RBFOX1: variants seen among roughly 807,000 people sequenced by gnomAD.
RBFOX1 encodes RNA binding fox-1 homolog 1.
In RBFOX1, 8 loss-of-function variants were observed where a neutral mutation model predicts 57.7. The ratio of observed to expected loss-of-function variants is 0.14; its 90% CI spans 0.08 to 0.25. RBFOX1 has a LOEUF of 0.25. Ranked by LOEUF, RBFOX1 falls within the 10% of genes least tolerant of loss-of-function variation. RBFOX1 has a pLI of 1.00. For missense variants in RBFOX1, 611 were observed against 548.5 expected (o/e 1.11, Z -1.14); for synonymous variants, 326 against 222.4 (o/e 1.47, Z -4.15).
intron 4 of RBFOX1, among the ~76,000 whole-genome samples, chr16:7,073,554 A>G (rs1056330305): frequency 6.6e-6 from 1 of 152,156 alleles, no homozygotes; most frequent in African/African-American, 2.4e-5. Context: ...AGTAATGATA[A>G]ATACCATGGC....
intron 4 of RBFOX1, among the ~76,000 whole-genome samples, chr16:5,887,822 C>T (rs149175969): frequency 6.6e-6 from 1 of 152,162 alleles, no homozygotes; most frequent in South Asian, 2.1e-4. Flanking sequence ...AGTCTTAGTT[C>T]TTTGTGCTCT....
At chr16:7,030,399 A>C (rs1350284667) in intron 3 of RBFOX1, among the ~76,000 whole-genome samples, 3 of 152,176 alleles carry the variant, frequency 2.0e-5, no homozygotes, top group African/African-American at 4.8e-5. Flanking sequence ...TATTCATTCA[A>C]GGTTCTGGAG....
intron 3 of RBFOX1, among the ~76,000 whole-genome samples, chr16:6,717,783 C>T (rs9929600): frequency 0.058 from 8,899 of 152,178 alleles, 319 homozygotes; most frequent in African/African-American, 0.087. Flanking sequence ...CAATTCTCAA[C>T]ATGGACCCAG....
intron 1 of RBFOX1, among the ~76,000 whole-genome samples, chr16:5,431,682 T>C (rs1203033100): frequency 1.3e-5 from 2 of 152,162 alleles, no homozygotes. Context: ...CGCTGGTTTA[T>C]TTTTTATTAT....
chr16:6,192,463 T>C (rs1367589797), intron 1 of RBFOX1, among the ~76,000 whole-genome samples: 1 of 152,048 alleles, frequency 6.6e-6, no homozygotes, highest in Non-Finnish European at 1.5e-5. Flanking sequence ...CTTCCTTCCC[T>C]CTCCATTTTC....
intron 2 of RBFOX1, among the ~76,000 whole-genome samples, chr16:5,559,028 G>C (rs2045786608): frequency 6.6e-6 from 1 of 152,090 alleles, no homozygotes; most frequent in African/African-American, 2.4e-5. Context: ...AACCATAGCA[G>C]TTATGCTCAC....
At chr16:5,837,055 C>T (rs1034523198) in intron 3 of RBFOX1, among the ~76,000 whole-genome samples, 1 of 152,164 alleles carries the variant, frequency 6.6e-6, no homozygotes, top group Admixed American at 6.5e-5. Context: ...TATTCCCTGA[C>T]ATGATTTGGA....
intron 13 of RBFOX1, among the ~76,000 whole-genome samples, chr16:7,674,017 G>A (rs954352118): frequency 1.4e-4 from 21 of 152,160 alleles, no homozygotes; most frequent in African/African-American, 4.8e-4. Context: ...AAAATACAGA[G>A]CGATAAAATT....
At chr16:6,849,158 A>C (rs1031273843) in intron 3 of RBFOX1, among the ~76,000 whole-genome samples, 3 of 152,186 alleles carry the variant, frequency 2.0e-5, no homozygotes, top group East Asian at 3.9e-4. Flanking sequence ...AAAGGAACCA[A>C]GTAACTTGCT....
At chr16:5,875,118 A>G (rs1404065679) in intron 4 of RBFOX1, among the ~76,000 whole-genome samples, 1 of 152,240 alleles carries the variant, frequency 6.6e-6, no homozygotes, top group East Asian at 1.9e-4. Flanking sequence ...GAACCTTCCC[A>G]TAGCAACAGC....
chr16:6,323,290 A>T (rs1412120672), intron 2 of RBFOX1, among the ~76,000 whole-genome samples: 3 of 152,206 alleles, frequency 2.0e-5, no homozygotes, highest in African/African-American at 7.2e-5. Context: ...CCCCACTGTC[A>T]GCCTCGTTCT....
At chr16:6,817,822 A>G (rs2090433703) in intron 3 of RBFOX1, among the ~76,000 whole-genome samples, 1 of 152,162 alleles carries the variant, frequency 6.6e-6, no homozygotes, top group Admixed American at 6.5e-5. Context: ...TAACTCAAGA[A>G]TTCATGAAGT....
chr16:6,256,163 A>ATATATGTATATATATG (rs1162352085), intron 1 of RBFOX1, among the ~76,000 whole-genome samples: 2 of 12,160 alleles, frequency 1.6e-4, no homozygotes, highest in African/African-American at 3.2e-4. Flanking sequence ...ATATATGTAT[A>ATATATGTATATATATG]TATATATGTA....
chr16:6,279,985 G>A (rs567056040), intron 1 of RBFOX1, among the ~76,000 whole-genome samples: 7 of 152,012 alleles, frequency 4.6e-5, no homozygotes, highest in Non-Finnish European at 1.0e-4. Flanking sequence ...AAATAGGAGC[G>A]TGGACTGGGG....
intron 1 of RBFOX1, among the ~76,000 whole-genome samples, chr16:5,345,256 C>T (rs930392921): frequency 5.3e-5 from 8 of 152,348 alleles, no homozygotes; most frequent in African/African-American, 1.9e-4. Context: ...GCCCCAGAGG[C>T]CTCTTGTCCA....
At chr16:7,257,216 C>G (rs975362687) in intron 4 of RBFOX1, among the ~76,000 whole-genome samples, 1 of 152,144 alleles carries the variant, frequency 6.6e-6, no homozygotes, top group Non-Finnish European at 1.5e-5. Flanking sequence ...TCTTCCCATC[C>G]CCGGGGTCAT....
intron 4 of RBFOX1, among the ~76,000 whole-genome samples, chr16:7,338,790 C>G (rs976433434): frequency 6.6e-6 from 1 of 152,144 alleles, no homozygotes; most frequent in African/African-American, 2.4e-5. Flanking sequence ...AAAGAACTTA[C>G]AAGTAATTTG....
chr16:5,530,634 C>T (rs919819792), intron 2 of RBFOX1, among the ~76,000 whole-genome samples: 5 of 152,166 alleles, frequency 3.3e-5, no homozygotes, highest in African/African-American at 1.2e-4. Flanking sequence ...TGTTTAGCAG[C>T]AACCTTGGCC....
intron 1 of RBFOX1, among the ~76,000 whole-genome samples, chr16:5,262,630 A>T (rs2151102273): frequency 6.6e-6 from 1 of 152,300 alleles, no homozygotes; most frequent in East Asian, 1.9e-4. Context: ...CTAGGTGTAT[A>T]GCTCTACCTC....
Sources: gnomAD v4.1 joint callset for allele counts (sites outside exome capture counted in the v4.1 genomes callset) on GRCh38, gnomAD v4.1.1 for gene constraint, MANE v1.5 for transcripts, NCBI Gene and HGNC (gene_info 2026-07-23, HGNC 2026-07-21) for gene names.